The following RBFOX3 variants were observed in gnomAD, a reference collection of about 807,000 sequenced individuals.
RBFOX3 encodes RNA binding protein fox-1 homolog 3.
A neutral mutation model predicts 48.7 loss-of-function variants in RBFOX3; 17 were observed. The observed-to-expected ratio is 0.35, with a 90% confidence interval of 0.24 to 0.52. The LOEUF (loss-of-function observed/expected upper bound fraction) is 0.52. RBFOX3 is among the 20% of genes least tolerant of loss of function. RBFOX3 has a pLI of 0.94. For missense variants in RBFOX3, 382 were observed against 497.5 expected, an observed-to-expected ratio of 0.77 and a Z score of 2.21; for synonymous variants, 212 against 209.5, an observed-to-expected ratio of 1.01 and a Z score of -0.10.
At chr17:79,541,978 T>C (rs1183058577) in intron 1 of RBFOX3, among the ~76,000 whole-genome samples, 2 of 151,892 alleles carry the variant, frequency 1.3e-5, no homozygotes, top group African/African-American at 4.8e-5. Context: ...CCCTCGAGTG[T>C]TTCTTTTTAC....
chr17:79,344,588 T>C (rs2146780806), intron 2 of RBFOX3, among the ~76,000 whole-genome samples: 1 of 145,404 alleles, frequency 6.9e-6, no homozygotes, highest in Non-Finnish European at 1.5e-5. Context: ...GGAGTCTCAC[T>C]CCATTGCCCA....
chr17:79,471,981 G>T lies in RBFOX3; in HGVS notation c.-175+10473C>A, dbSNP rs1358271175. Among the ~76,000 whole-genome samples the T allele has an allele frequency of 6.6e-6, 1 of 152,248 alleles. No individual in the cohort carries two copies. Among genetic ancestry groups the T allele is most frequent in the Non-Finnish European group, 1.5e-5 (1 of 68,042 alleles). Reference sequence around the variant, plus strand: ...GTGGGAGAAACAAGTTGCAGCCTGTGCCCTTAAGGAACTCCAGAAAGAAAA... The same window carrying T: ...GTGGGAGAAACAAGTTGCAGCCTGTTCCCTTAAGGAACTCCAGAAAGAAAA... On this transcript the variant is annotated intron_variant, in intron 2 of 14. Transcript: ENST00000693108. The surrounding 1 kb of genome is among the most constrained non-coding windows in gnomAD (Gnocchi z 4.0).
chr17:79,596,101 C>T (rs930730632), intron 1 of RBFOX3, among the ~76,000 whole-genome samples: 287 of 152,298 alleles, frequency 1.9e-3, no homozygotes, highest in African/African-American at 6.3e-3. Context: ...TCATTCCAAG[C>T]CCAGGAAAGA....
rs1417059127 is a variant in RBFOX3, at chr17:79,244,586, C to T, written c.-73-8781G>A. On this transcript the variant is annotated intron_variant, in intron 3 of 14. Coordinates refer to ENST00000693108, the MANE Select transcript of RBFOX3 (RefSeq NM_001350451.2). ...CCCTACTCACTCTGGGCTTGCTGGG[C>T]CTGGTTCCCAGAGCATGGTGGCCCT... Among the ~76,000 whole-genome samples the T allele has an allele frequency of 2.0e-5, 3 of 147,746 alleles. No individual in the cohort carries two copies. The Admixed American group carries it at 2.1e-4, about 10-fold the overall frequency.
In RBFOX3 at chr17:79,276,085, C is replaced by A. The variant is rs1009414270; in HGVS notation, c.-74+31639G>T. The stretch of plus-strand genomic sequence containing the variant: ...GACACATGCTGCACCGTGGATGAAC[C>A]CTGAAGACGGTACGCTCAGAGGCAG... On this transcript the variant is annotated intron_variant, in intron 3 of 14. Transcript: ENST00000693108. 3.9e-5 allele frequency among the ~76,000 whole-genome samples: 6 copies of A among 152,158 alleles called. No individual in the cohort carries two copies. In the South Asian group the frequency reaches 6.2e-4, roughly 16 times the overall value.
intron 2 of RBFOX3, among the ~76,000 whole-genome samples, chr17:79,330,113 G>T (rs142908099): frequency 1.2e-3 from 183 of 152,358 alleles, no homozygotes; most frequent in African/African-American, 4.2e-3. Flanking sequence ...GTGAGCATGT[G>T]TGTGTGCAGG....
chr17:79,268,931 C>T (rs557508671), intron 3 of RBFOX3, among the ~76,000 whole-genome samples: 31 of 152,386 alleles, frequency 2.0e-4, no homozygotes, highest in African/African-American at 7.0e-4. Context: ...TCTTCACACG[C>T]CTCCTTGTCC....
intron 4 of RBFOX3, among the ~76,000 whole-genome samples, chr17:79,137,383 G>A (rs1219246114): frequency 2.6e-5 from 4 of 152,156 alleles, no homozygotes; most frequent in Non-Finnish European, 4.4e-5. Context: ...CCAGGCCATT[G>A]TGAAATTATC....
At chr17:79,313,641 A>G (rs2077147090) in intron 2 of RBFOX3, among the ~76,000 whole-genome samples, 1 of 152,152 alleles carries the variant, frequency 6.6e-6, no homozygotes, top group Non-Finnish European at 1.5e-5. Context: ...AGATAAAGTG[A>G]GGCCAGGCCA....
chr17:79,573,973 C>T (rs1009946386), intron 1 of RBFOX3, among the ~76,000 whole-genome samples: 1 of 152,332 alleles, frequency 6.6e-6, no homozygotes, highest in African/African-American at 2.4e-5. Flanking sequence ...GAAACTCCAG[C>T]GTCTCCACCC....
Position 79,390,839 on chromosome 17 carries a change from G to A in RBFOX3, c.-174-83015C>T, listed in dbSNP as rs12944174. Among the ~76,000 whole-genome samples the A allele has an allele frequency of 0.052, 7,936 of 152,234 alleles. 265 individuals are homozygous for A. Among genetic ancestry groups the A allele is most frequent in the Admixed American group, 0.077 (1,185 of 15,298 alleles). The stretch of plus-strand genomic sequence containing the variant: ...TGGAGCATCTGAGAGTTGAGGCAGC[G>A]GAACCCCTCACCAGGAGGCACCTTC... On this transcript the variant is annotated intron_variant, in intron 2 of 14. Transcript: ENST00000693108. The surrounding 1 kb of genome is among the most constrained non-coding windows in gnomAD (Gnocchi z 4.2).
At chr17:79,417,068 G>A (rs56712974) in intron 2 of RBFOX3, among the ~76,000 whole-genome samples, 22,857 of 152,264 alleles carry the variant, frequency 0.15, 1,952 homozygotes, top group Non-Finnish European at 0.19. Context: ...CCCCAGCTCT[G>A]CATAAGGGGC....
At chr17:79,348,832 T>C (rs2083361101) in intron 2 of RBFOX3, among the ~76,000 whole-genome samples, 1 of 151,754 alleles carries the variant, frequency 6.6e-6, no homozygotes, top group African/African-American at 2.4e-5. Flanking sequence ...CACCTCGGCC[T>C]CCCAAAGTGC....
At chr17:79,521,819 A>G (rs1411127246) in intron 1 of RBFOX3, among the ~76,000 whole-genome samples, 2 of 152,206 alleles carry the variant, frequency 1.3e-5, no homozygotes, top group Admixed American at 6.5e-5. Context: ...ATGCACATAC[A>G]TATCCTTAAG....
At chr17:79,271,354 G>A (rs565039052) in intron 3 of RBFOX3, among the ~76,000 whole-genome samples, 3 of 152,298 alleles carry the variant, frequency 2.0e-5, no homozygotes, top group South Asian at 4.1e-4. Flanking sequence ...GGGATTACAG[G>A]CGTGAGCCAC....
chr17:79,533,613 C>A (rs1599065731), intron 1 of RBFOX3, among the ~76,000 whole-genome samples: 1 of 152,222 alleles, frequency 6.6e-6, no homozygotes, highest in African/African-American at 2.4e-5. Flanking sequence ...GGCATAGATA[C>A]CCCGCGATGG....
chr17:79,128,396 C>A (rs1298851569), intron 4 of RBFOX3, among the ~76,000 whole-genome samples: 1 of 152,160 alleles, frequency 6.6e-6, no homozygotes, highest in Admixed American at 6.5e-5. Flanking sequence ...TCCCCAGGTG[C>A]TTTGTGGACC....
intron 1 of RBFOX3, among the ~76,000 whole-genome samples, chr17:79,590,029 G>A (rs1199782193): frequency 1.3e-5 from 2 of 152,198 alleles, no homozygotes; most frequent in Non-Finnish European, 2.9e-5. Flanking sequence ...TGTATTCCCT[G>A]GAGGGCACTG....
intron 4 of RBFOX3, among the ~76,000 whole-genome samples, chr17:79,197,029 G>C (rs1251289637): frequency 6.6e-6 from 1 of 152,186 alleles, no homozygotes; most frequent in Non-Finnish European, 1.5e-5. Context: ...TAGGCACTGG[G>C]GCTGCTTGGT....
Sources: allele counts gnomAD v4.1 joint callset (sites outside exome capture counted in the v4.1 genomes callset), GRCh38; gene constraint gnomAD v4.1.1; non-coding constraint Gnocchi (gnomAD v3.1); transcripts MANE v1.5; gene names NCBI Gene and HGNC (gene_info 2026-07-23, HGNC 2026-07-21).